OSBPL10: variants seen among roughly 807,000 people sequenced by gnomAD.
The protein encoded by OSBPL10 is oxysterol-binding protein-related protein 10.
In OSBPL10, 49 loss-of-function variants were observed where a neutral mutation model predicts 81.7. The observed-to-expected ratio is 0.60, with a 90% CI of 0.48 to 0.76. The LOEUF (loss-of-function observed/expected upper bound fraction) is 0.76. OSBPL10 is among the 30% of genes least tolerant of loss of function. The pLI is 0.00. For synonymous variants in OSBPL10, 419 were observed against 383.6 expected, an observed-to-expected ratio of 1.09 and a Z score of -1.08; for missense variants, 923 against 987.8, an observed-to-expected ratio of 0.93 and a Z score of 0.88.
At chr3:31,765,653 C>T (rs991317609) in intron 4 of OSBPL10, among the ~76,000 whole-genome samples, 3 of 152,100 alleles carry the variant, frequency 2.0e-5, no homozygotes, top group Non-Finnish European at 4.4e-5. Context: ...AATGTATACA[C>T]CCAATCTAAG....
intron 1 of OSBPL10, 54 bp downstream of exon 1, chr3:31,980,845 A>ACACACACACGCACG: frequency 2.5e-6 from 2 of 790,694 alleles, no homozygotes; most frequent in African/African-American, 1.3e-4. Context: ...ACGCACGCAC[A>ACACACACACGCACG]CACACACACA....
chr3:31,701,025 A>G (rs1695877414), intron 7 of OSBPL10, among the ~76,000 whole-genome samples: 1 of 152,202 alleles, frequency 6.6e-6, no homozygotes, highest in Non-Finnish European at 1.5e-5. Context: ...CCAGAATATC[A>G]GACACGCTCA....
intron 2 of OSBPL10, chr3:31,988,904 C>G (rs1186132646): frequency 1.3e-6 from 1 of 748,054 alleles, no homozygotes; most frequent in Admixed American, 2.9e-5. Context: ...CAGGAACACC[C>G]AGCTGAAGTG....
chr3:31,910,450 C>T (rs1438509826), intron 1 of OSBPL10, among the ~76,000 whole-genome samples: 3 of 151,890 alleles, frequency 2.0e-5, no homozygotes, highest in Non-Finnish European at 4.4e-5. Flanking sequence ...GCCTGGCCAA[C>T]ATGGTGAAAC....
At chr3:31,915,626 G>A (rs960897116) in intron 1 of OSBPL10, among the ~76,000 whole-genome samples, 1 of 152,154 alleles carries the variant, frequency 6.6e-6, no homozygotes, top group Non-Finnish European at 1.5e-5. Flanking sequence ...AGGAGAGGGA[G>A]CAAGGGTTGA....
chr3:31,717,222 A>T (rs1321567122), intron 6 of OSBPL10: 1 of 152,178 alleles, frequency 6.6e-6, no homozygotes, highest in Admixed American at 6.5e-5. Context: ...CATACAGGGT[A>T]GCAGCCCAGT....
intron 1 of OSBPL10, among the ~76,000 whole-genome samples, chr3:31,965,102 T>C (rs1698277942): frequency 6.6e-6 from 1 of 151,910 alleles, no homozygotes; most frequent in African/African-American, 2.4e-5. Flanking sequence ...TTAAAAAATG[T>C]AGGCCAGGCG....
intron 1 of OSBPL10, among the ~76,000 whole-genome samples, chr3:31,937,703 C>G (rs918235083): frequency 6.6e-6 from 1 of 151,980 alleles, no homozygotes; most frequent in East Asian, 1.9e-4. Flanking sequence ...GACCACCCTT[C>G]CCCCAACCTC....
At chr3:32,005,802 G>C (rs1205740833) in intron 2 of OSBPL10, among the ~76,000 whole-genome samples, 1 of 151,950 alleles carries the variant, frequency 6.6e-6, no homozygotes, top group Non-Finnish European at 1.5e-5. Context: ...TTAGCCGCAT[G>C]GTCTCAGTCT....
At chr3:31,905,345 A>ATTTTTTTTTTTCTTTTTTTTTTTTT (rs1696374338) in intron 1 of OSBPL10, among the ~76,000 whole-genome samples, 1 of 94,860 alleles carries the variant, frequency 1.1e-5, no homozygotes, top group East Asian at 3.8e-4. Context: ...GAACCTGGTG[A>ATTTTTTTTTTTCTTTTTTTTTTTTT]TTTTTTTTTT....
intron 7 of OSBPL10, among the ~76,000 whole-genome samples, chr3:31,696,680 T>C (rs1236330250): frequency 1.3e-5 from 2 of 152,246 alleles, no homozygotes; most frequent in Non-Finnish European, 2.9e-5. Context: ...CCCATCTCCC[T>C]GACCCCTCCA....
chr3:31,825,623 G>C (rs1012481452), intron 4 of OSBPL10, among the ~76,000 whole-genome samples: 1 of 152,102 alleles, frequency 6.6e-6, no homozygotes, highest in Admixed American at 6.5e-5. Flanking sequence ...AGCCCCATAA[G>C]ACTTCTTACT....
At position 31,664,114 on chromosome 3, in the gene OSBPL10, G is replaced by A. The variant is rs1047992404; in HGVS notation, c.2215C>T (p.Arg739Cys). 4 of 1,613,986 alleles carry A rather than the reference G, an allele frequency of 2.5e-6. No individual in the cohort carries two copies. Among genetic ancestry groups the A allele is most frequent in the South Asian group, 1.1e-5 (1 of 91,052 alleles). ...AAATATTTGGGCTTCCATGGTGTGCGGAGGTTCTCGCGCTTCCGTTCCTCC... is the reference window on the plus strand; with the variant it reads ...AAATATTTGGGCTTCCATGGTGTGCAGAGGTTCTCGCGCTTCCGTTCCTCC... ...RVEERKRENL[R>C]TPWKPKYFIQ... The change falls in exon 11 of 12, where the codon CGC becomes TGC. Residue 739 changes from arginine (R) to cysteine (C), a missense_variant. By Grantham distance (180) the Arg-to-Cys change is radical (BLOSUM62 -3). Coordinates refer to ENST00000396556, the MANE Select transcript of OSBPL10 (RefSeq NM_017784.5).
At chr3:31,996,445 T>C (rs1288079818) in intron 2 of OSBPL10, among the ~76,000 whole-genome samples, 1 of 152,198 alleles carries the variant, frequency 6.6e-6, no homozygotes, top group African/African-American at 2.4e-5. Flanking sequence ...TCTCTGCATC[T>C]AAATATGAGC....
intron 2 of OSBPL10, among the ~76,000 whole-genome samples, chr3:32,020,078 T>C (rs1157555583): frequency 1.3e-5 from 2 of 152,228 alleles, no homozygotes; most frequent in South Asian, 4.1e-4. Flanking sequence ...ATCCACTCTT[T>C]GGGTACAATT....
chr3:31,788,644 G>A (rs146985577), intron 4 of OSBPL10, among the ~76,000 whole-genome samples: 212 of 152,216 alleles, frequency 1.4e-3, no homozygotes, highest in Non-Finnish European at 1.3e-3. Context: ...TAGGTGTGGT[G>A]GTGTACACCT....
Position 31,676,899 on chromosome 3 carries a change from G to C in OSBPL10, c.1727-5916C>G, listed in dbSNP as rs936161. Among the ~76,000 whole-genome samples the C allele has an allele frequency of 7.3e-3, 1,117 of 152,282 alleles. 16 individuals are homozygous for C. The highest frequency in any genetic ancestry group is 0.026 in the African/African-American group (1,061 of 41,540). ...TGAACAGTGTCGGCTCTCACTGTTA[G>C]AGCAATAGAAACGAGAGGGTGGGAG... On this transcript the variant is annotated intron_variant, in intron 8 of 11. Coordinates refer to ENST00000396556, the MANE Select transcript of OSBPL10 (RefSeq NM_017784.5).
intron 4 of OSBPL10, among the ~76,000 whole-genome samples, chr3:31,789,808 G>A (rs1698966061): frequency 6.6e-6 from 1 of 152,182 alleles, no homozygotes; most frequent in Non-Finnish European, 1.5e-5. Flanking sequence ...GGATCATGAG[G>A]ATGACTGGAC....
rs572941560 is a variant in OSBPL10, at chr3:31,696,330, C to G, written c.1245+6029G>C. Among the ~76,000 whole-genome samples, 17 of 152,312 alleles carry G rather than the reference C, an allele frequency of 1.1e-4. No homozygotes were observed. The South Asian group carries it at 3.3e-3, about 30-fold the overall frequency. ...TCAGCATTCAAGCATCTTAAGAAAC[C>G]AAATCTCCCTTAATTTCAGATACTC... On this transcript the variant is annotated intron_variant, in intron 7 of 11. Transcript: ENST00000396556.
Sources: allele counts gnomAD v4.1 joint callset (sites outside exome capture counted in the v4.1 genomes callset), GRCh38; gene constraint gnomAD v4.1.1; transcripts MANE v1.5; gene names NCBI Gene and HGNC (gene_info 2026-07-23, HGNC 2026-07-21).